The following RHOBTB2 variants were observed in gnomAD, a reference collection of about 807,000 sequenced individuals.
RHOBTB2 encodes the protein Rho related BTB domain containing 2.
Under a neutral mutation model 66.5 loss-of-function variants are expected in RHOBTB2, and 39 were observed. The ratio of observed to expected loss-of-function variants is 0.59; its 90% CI spans 0.45 to 0.77. The LOEUF is 0.77. Among genes scored for constraint, RHOBTB2 ranks in the 30% least tolerant of loss-of-function variants. RHOBTB2 has a pLI of 0.00. For synonymous variants in RHOBTB2, 390 were observed against 395.0 expected (o/e 0.99, Z 0.15); for missense variants, 755 against 999.1 (o/e 0.76, Z 3.29).
upstream of RHOBTB2, among the ~76,000 whole-genome samples, chr8:22,982,530 G>A (rs998198822): frequency 3.3e-5 from 5 of 152,158 alleles, no homozygotes; most frequent in African/African-American, 1.2e-4. Context: ...GTTGAGGCAG[G>A]AGAATCACTT....
upstream of RHOBTB2, chr8:22,984,528 C>T (rs1481679380): frequency 6.6e-6 from 1 of 152,200 alleles, no homozygotes; most frequent in Non-Finnish European, 1.5e-5. Flanking sequence ...ATATTCACAA[C>T]GTGCAAGTGG....
At chr8:22,976,159 A>G in the RHOBTB2 span, among the ~76,000 whole-genome samples, 1 of 151,764 alleles carries the variant, frequency 6.6e-6, no homozygotes, top group Admixed American at 6.6e-5. Context: ...AAATAAATAA[A>G]TAAATAATAA....
At chr8:23,009,010 T>C (rs1372207968) in intron 6 of RHOBTB2, among the ~76,000 whole-genome samples, 2 of 152,092 alleles carry the variant, frequency 1.3e-5, no homozygotes, top group Non-Finnish European at 2.9e-5. Context: ...AGCAAGGCTT[T>C]AGTTGTCAAA....
At chr8:23,010,075 G>A (rs1563293811) in intron 6 of RHOBTB2, among the ~76,000 whole-genome samples, 2 of 150,014 alleles carry the variant, frequency 1.3e-5, no homozygotes, top group South Asian at 4.2e-4. Context: ...AGATTGAGGT[G>A]ACCAGAAGGC....
the RHOBTB2 span, among the ~76,000 whole-genome samples, chr8:22,964,483 G>A: frequency 2.6e-5 from 4 of 152,206 alleles, no homozygotes; most frequent in East Asian, 7.7e-4. Context: ...GTGCTATTGG[G>A]AAATCAGATT....
chr8:22,989,584 C>G (rs1422325804), intron 1 of RHOBTB2, among the ~76,000 whole-genome samples: 1 of 152,182 alleles, frequency 6.6e-6, no homozygotes, highest in Admixed American at 6.5e-5. Context: ...CTTAGGCTAA[C>G]ATCATACAAT....
the RHOBTB2 span, among the ~76,000 whole-genome samples, chr8:22,954,140 T>C: frequency 6.6e-6 from 1 of 152,194 alleles, no homozygotes; most frequent in Admixed American, 6.5e-5. Flanking sequence ...AGATTTTTTA[T>C]TTAACTCACC....
the RHOBTB2 span, among the ~76,000 whole-genome samples, chr8:22,970,702 C>T: frequency 1.3e-5 from 2 of 152,080 alleles, no homozygotes; most frequent in African/African-American, 4.8e-5. Flanking sequence ...TCAAGCGATC[C>T]TCCCTCAGTC....
chr8:22,962,715 G>A, the RHOBTB2 span, among the ~76,000 whole-genome samples: 1 of 152,224 alleles, frequency 6.6e-6, no homozygotes, highest in Non-Finnish European at 1.5e-5. Flanking sequence ...AGAGACATCA[G>A]ACAGAGAGTC....
chr8:22,957,132 T>A, the RHOBTB2 span, among the ~76,000 whole-genome samples: 1 of 152,180 alleles, frequency 6.6e-6, no homozygotes, highest in East Asian at 1.9e-4. Context: ...CTTGCAGAAC[T>A]CTTCCTCACA....
chr8:22,995,824 C>G (rs1297263061), upstream of RHOBTB2: 2 of 1,550,882 alleles, frequency 1.3e-6, no homozygotes, highest in Non-Finnish European at 1.7e-6. Context: ...TCACAAGGCC[C>G]ATGGGGTGGG....
chr8:22,978,857 GT>G, the RHOBTB2 span, among the ~76,000 whole-genome samples: 1,144 of 151,846 alleles, frequency 7.5e-3, 12 homozygotes, highest in African/African-American at 0.025. Flanking sequence ...GAAATCATGT[GT>G]TTTTTTTAAC....
intron 1 of RHOBTB2, among the ~76,000 whole-genome samples, chr8:22,990,747 A>G (rs888058658): frequency 3.3e-5 from 5 of 152,114 alleles, no homozygotes; most frequent in African/African-American, 9.7e-5. Context: ...CGTGTGTCCA[A>G]TGGGCAGTAC....
chr8:22,993,234 A>G (rs1436234290), intron 2 of RHOBTB2, among the ~76,000 whole-genome samples: 1 of 151,906 alleles, frequency 6.6e-6, no homozygotes, highest in Non-Finnish European at 1.5e-5. Flanking sequence ...ATCATAGTGC[A>G]CTGCAGCCTC....
chr8:22,999,575 T>C lies in RHOBTB2; in HGVS notation c.-541T>C. 1 of 1,216,156 alleles carries C rather than the reference T, an allele frequency of 8.2e-7. No individual in the cohort carries two copies. The highest frequency in any genetic ancestry group is 1.0e-6 in the Non-Finnish European group (1 of 959,402). 75.3% of individuals were successfully genotyped at this position (1,216,156 alleles called of 1,614,324 possible). On this transcript the variant is annotated 5_prime_UTR_variant, in exon 1 of 10. Coordinates refer to ENST00000251822, the MANE Select transcript of RHOBTB2 (RefSeq NM_015178.3). ...GGCCCGTCACGGCTGTCGTCTTGGG[T>C]GCGATTTTTTTCTCCTCCTTTTTTT...
intron 2 of RHOBTB2, among the ~76,000 whole-genome samples, chr8:22,992,566 G>T (rs1810451287): frequency 6.6e-6 from 1 of 152,162 alleles, no homozygotes; most frequent in Admixed American, 6.5e-5. Context: ...TAGAAAACAG[G>T]GTGGAAATCA....
At chr8:23,011,320 A>T (rs1811140980) in intron 7 of RHOBTB2, among the ~76,000 whole-genome samples, 1 of 152,206 alleles carries the variant, frequency 6.6e-6, no homozygotes, top group African/African-American at 2.4e-5. Context: ...TCACTTGGAC[A>T]AGCTTAAGAA....
the RHOBTB2 span, among the ~76,000 whole-genome samples, chr8:22,982,251 C>T: frequency 6.6e-6 from 1 of 152,232 alleles, no homozygotes; most frequent in Non-Finnish European, 1.5e-5. Context: ...TCCCTGTCTC[C>T]TGGCCTTCCC....
chr8:23,005,228 G>A, intron 2 of RHOBTB2, 144 bp from the exon 3 acceptor site: 2 of 629,160 alleles, frequency 3.2e-6, no homozygotes, highest in Non-Finnish European at 5.8e-6. Flanking sequence ...TGTGCAGGGT[G>A]CACAGTGGGC....
Sources: allele counts gnomAD v4.1 joint callset (sites outside exome capture counted in the v4.1 genomes callset), GRCh38; gene constraint gnomAD v4.1.1; transcripts MANE v1.5; gene names NCBI Gene and HGNC (gene_info 2026-07-23, HGNC 2026-07-21).